Variants in USP37 observed in about 807,000 individuals in gnomAD.
The protein encoded by USP37 is ubiquitin specific peptidase 37, also known as ubiquitin carboxyl-terminal hydrolase 37.
A neutral mutation model predicts 124.0 loss-of-function variants in USP37; 27 were observed. The observed-to-expected ratio is 0.22, with a 90% CI of 0.16 to 0.30. The LOEUF is 0.30. USP37 is among the 10% of genes least tolerant of loss of function. USP37 has a pLI of 1.00. For synonymous variants in USP37, 365 were observed against 388.0 expected (o/e 0.94, Z 0.70); for missense variants, 889 against 1,140.4 (o/e 0.78, Z 3.17).
intron 14 of USP37, among the ~76,000 whole-genome samples, chr2:218,492,117 C>T (rs1688817083): frequency 6.6e-6 from 1 of 152,150 alleles, no homozygotes; most frequent in Non-Finnish European, 1.5e-5. Flanking sequence ...GGGAGGATTG[C>T]TTGAGCCAGG....
intron 9 of USP37, among the ~76,000 whole-genome samples, chr2:218,530,439 G>A (rs1344414190): frequency 2.6e-5 from 4 of 152,068 alleles, no homozygotes; most frequent in Admixed American, 6.6e-5. Context: ...GGGGTACCAC[G>A]AACTGCACCC....
chr2:218,469,276 C>A (rs1257187410), intron 20 of USP37, among the ~76,000 whole-genome samples: 1 of 152,130 alleles, frequency 6.6e-6, no homozygotes, highest in African/African-American at 2.4e-5. Flanking sequence ...ACAACCCTTG[C>A]CATGGCCTAG....
chr2:218,476,376 C>A (rs72965144), intron 19 of USP37, among the ~76,000 whole-genome samples: 1,958 of 152,172 alleles, frequency 0.013, 18 homozygotes, highest in Non-Finnish European at 0.022. Context: ...GAATTTTAGA[C>A]CTGCCTAGGT....
intron 8 of USP37, among the ~76,000 whole-genome samples, chr2:218,540,139 T>G (rs1691892133): frequency 6.6e-6 from 1 of 152,206 alleles, no homozygotes; most frequent in South Asian, 2.1e-4. Flanking sequence ...GGATAATCAT[T>G]AAGTAATATA....
chr2:218,496,855 C>T (rs1211593386), intron 13 of USP37, among the ~76,000 whole-genome samples: 1 of 151,900 alleles, frequency 6.6e-6, no homozygotes, highest in Non-Finnish European at 1.5e-5. Flanking sequence ...TTCACCTCAT[C>T]AGTCAGGCTG....
chr2:218,554,374 G>A (rs1692833842), intron 4 of USP37, among the ~76,000 whole-genome samples: 3 of 152,158 alleles, frequency 2.0e-5, no homozygotes. Flanking sequence ...TTCAGATATA[G>A]TTATAGAGGA....
At chr2:218,529,538 A>G (rs1691194511) in intron 10 of USP37, among the ~76,000 whole-genome samples, 1 of 151,716 alleles carries the variant, frequency 6.6e-6, no homozygotes, top group Non-Finnish European at 1.5e-5. Flanking sequence ...TTCAACACTT[A>G]TAACCCTAGC....
chr2:218,455,674 AC>A lies in USP37; in HGVS notation c.2757del (p.Trp919CysfsTer86). On this transcript the variant is annotated frameshift_variant, in exon 25 of 26. Coordinates refer to ENST00000258399, the MANE Select transcript of USP37 (RefSeq NM_020935.3). LOFTEE classifies it high-confidence loss of function. ...GATACCTCCAGGTCATTGTAAGTAA[AC>A]CACGCTTGCTTCTTAATGTCATATA... is the stretch of plus-strand genomic sequence containing the variant. ...SDVYDIKKQA[W>X]FTYNDLEVSK... is the part of the protein sequence containing the mutation. The A allele has an allele frequency of 6.2e-7, 1 of 1,614,192 alleles. No homozygotes were observed. The highest frequency in any genetic ancestry group is 8.5e-7 in the Non-Finnish European group (1 of 1,180,026).
chr2:218,465,018 G>A (rs2106410351), intron 21 of USP37, among the ~76,000 whole-genome samples: 1 of 152,234 alleles, frequency 6.6e-6, no homozygotes, highest in South Asian at 2.1e-4. Flanking sequence ...GTTTGAGGCT[G>A]CAGTGAGGAA....
rs1689550731 is a variant in USP37 at position 218,453,500 on chromosome 2, G to C, written c.*1430C>G. ...AAGAAAAAACACGAAAGAATATAAT[G>C]ATGGTTTCATTTTTCTATATTTAAC... On this transcript the variant is annotated 3_prime_UTR_variant, in exon 26 of 26. Coordinates refer to ENST00000258399, the MANE Select transcript of USP37 (RefSeq NM_020935.3). 1.3e-5 allele frequency: 2 copies of C among 152,222 alleles called. No homozygotes were observed. The highest frequency in any genetic ancestry group is 4.1e-4 in the South Asian group (2 of 4,822). 9.4% of individuals were successfully genotyped at this position (152,222 alleles called of 1,614,324 possible).
intron 10 of USP37, among the ~76,000 whole-genome samples, chr2:218,511,723 AGGC>A (rs1374698506): frequency 6.6e-6 from 1 of 152,118 alleles, no homozygotes; most frequent in African/African-American, 2.4e-5. Flanking sequence ...CTAGGATTAC[AGGC>A]GTGAGCCACT....
At chr2:218,552,465 A>C (rs1692720115) in intron 5 of USP37, among the ~76,000 whole-genome samples, 1 of 152,196 alleles carries the variant, frequency 6.6e-6, no homozygotes, top group Non-Finnish European at 1.5e-5. Context: ...CTGTAATCCC[A>C]GCACTTTGGC....
rs951269371 is a variant in USP37, at chr2:218,556,344, GA to G, written c.156+2153del. On this transcript the variant is annotated intron_variant, in intron 4 of 25. Transcript: ENST00000258399. ...TTTGGCCAGAAAATTCAGGGTTAAA[GA>G]AAAAAAAAAGACATCACTTCCACCT... Among the ~76,000 whole-genome samples the G allele has an allele frequency of 5.5e-5, 8 of 146,502 alleles. No individual in the cohort carries two copies. In the South Asian group the frequency reaches 6.4e-4, roughly 12 times the overall value.
At chr2:218,496,393 T>C (rs1005848522) in intron 13 of USP37, among the ~76,000 whole-genome samples, 2 of 151,986 alleles carry the variant, frequency 1.3e-5, no homozygotes. Flanking sequence ...TGAAAGTCAA[T>C]GACATATGTG....
intron 10 of USP37, chr2:218,528,884 T>TTTCCAATTTATTAATAAA: frequency 2.5e-6 from 1 of 393,688 alleles, no homozygotes; most frequent in East Asian, 3.6e-5. Context: ...CAACTAGCCT[T>TTTCCAATTTATTAATAAA]TTCCAATTTA....
intron 10 of USP37, among the ~76,000 whole-genome samples, chr2:218,526,239 TA>T (rs1314139805): frequency 2.6e-5 from 4 of 152,184 alleles, no homozygotes; most frequent in African/African-American, 9.6e-5. Flanking sequence ...GTTATTTATT[TA>T]TTTTTTTTTT....
chr2:218,461,675 A>G (rs1690020376), intron 22 of USP37, among the ~76,000 whole-genome samples: 1 of 152,096 alleles, frequency 6.6e-6, no homozygotes, highest in African/African-American at 2.4e-5. Context: ...AACTAATCCA[A>G]TTTATATCAC....
chr2:218,513,284 G>A (rs1330701673), intron 10 of USP37, among the ~76,000 whole-genome samples: 1 of 152,004 alleles, frequency 6.6e-6, no homozygotes, highest in Non-Finnish European at 1.5e-5. Flanking sequence ...TCTCATCCTG[G>A]CCTCTCCAAG....
intron 10 of USP37, among the ~76,000 whole-genome samples, chr2:218,516,835 A>G (rs1690315340): frequency 6.6e-6 from 1 of 152,238 alleles, no homozygotes; most frequent in African/African-American, 2.4e-5. Context: ...CAAGACATAC[A>G]AATGCATGTA....
Sources: allele counts gnomAD v4.1 joint callset (sites outside exome capture counted in the v4.1 genomes callset), GRCh38; gene constraint gnomAD v4.1.1; transcripts MANE v1.5; gene names NCBI Gene and HGNC (gene_info 2026-07-23, HGNC 2026-07-21).